Variants in TUSC3 observed in about 807,000 individuals in gnomAD.
The protein encoded by TUSC3 is tumor suppressor candidate 3.
Under a neutral mutation model 44.8 loss-of-function variants are expected in TUSC3, and 45 were observed. The ratio of observed to expected loss-of-function variants is 1.00; its 90% CI spans 0.79 to 1.29. TUSC3 has a LOEUF of 1.29. Among genes scored for constraint, TUSC3 ranks in the 50% most tolerant of loss-of-function variants. TUSC3 has a pLI of 0.00. For synonymous variants in TUSC3, 212 were observed against 152.9 expected (o/e 1.39, Z -2.85); for missense variants, 519 against 437.9 (o/e 1.19, Z -1.65).
intron 1 of TUSC3, among the ~76,000 whole-genome samples, chr8:15,451,345 G>C (rs922431014): frequency 2.0e-5 from 3 of 152,110 alleles, no homozygotes; most frequent in Non-Finnish European, 2.9e-5. Context: ...GGGTAGCTCA[G>C]ATCAACCAAG....
chr8:15,695,109 G>T (rs1809104153), intron 6 of TUSC3, among the ~76,000 whole-genome samples: 1 of 152,154 alleles, frequency 6.6e-6, no homozygotes, highest in Non-Finnish European at 1.5e-5. Context: ...TCAGTGCAGT[G>T]GTGGTGTCAG....
In TUSC3 at chr8:15,541,761, C is replaced by G. The variant is rs1490914795; in HGVS notation, c.138+1193C>G. ...TATAAATTAATGATTTTTTTTAGCA[C>G]TTGGTATTTGTATACCATATTCCAA... On this transcript the variant is annotated intron_variant, in intron 1 of 10. Coordinates refer to ENST00000503731, the MANE Select transcript of TUSC3 (RefSeq NM_006765.4). 2.6e-5 allele frequency among the ~76,000 whole-genome samples: 4 copies of G among 151,768 alleles called. No homozygotes were observed. The South Asian group carries it at 8.3e-4, about 31-fold the overall frequency.
At chr8:15,612,087 C>T (rs1311238535) in intron 1 of TUSC3, among the ~76,000 whole-genome samples, 3 of 152,144 alleles carry the variant, frequency 2.0e-5, no homozygotes, top group Non-Finnish European at 4.4e-5. Flanking sequence ...GCAGTTGATA[C>T]CTTCAACATG....
chr8:15,515,581 AT>A (rs1801205477), intron 2 of TUSC3, among the ~76,000 whole-genome samples: 1 of 152,118 alleles, frequency 6.6e-6, no homozygotes, highest in Non-Finnish European at 1.5e-5. Context: ...CTAGAGCAAA[AT>A]ATCATTGGAG....
At chr8:15,595,334 C>T (rs1804021737) in intron 1 of TUSC3, among the ~76,000 whole-genome samples, 1 of 152,068 alleles carries the variant, frequency 6.6e-6, no homozygotes, top group Admixed American at 6.6e-5. Flanking sequence ...CTCTTTAGTA[C>T]TCTGCCCTGT....
chr8:15,667,334 T>C (rs1033227125), intron 5 of TUSC3, among the ~76,000 whole-genome samples: 1 of 151,642 alleles, frequency 6.6e-6, no homozygotes, highest in African/African-American at 2.4e-5. Context: ...GAAATAATGA[T>C]AGTATTTCTG....
intron 1 of TUSC3, among the ~76,000 whole-genome samples, chr8:15,599,556 G>A (rs1389092025): frequency 6.6e-6 from 1 of 151,588 alleles, no homozygotes; most frequent in Non-Finnish European, 1.5e-5. Context: ...TAGTTTTATA[G>A]TTTTGCATTT....
At chr8:15,712,319 A>T (rs868007993) in intron 6 of TUSC3, among the ~76,000 whole-genome samples, 1 of 151,738 alleles carries the variant, frequency 6.6e-6, no homozygotes, top group Non-Finnish European at 1.5e-5. Context: ...TTGTATTATC[A>T]TTTTTCTGTT....
chr8:15,779,240 A>T, the TUSC3 span, among the ~76,000 whole-genome samples: 1 of 151,950 alleles, frequency 6.6e-6, no homozygotes, highest in Non-Finnish European at 1.5e-5. Flanking sequence ...AGGACCTTGG[A>T]TAGAAACTAT....
the TUSC3 span, among the ~76,000 whole-genome samples, chr8:15,807,765 G>C: frequency 2.6e-5 from 4 of 152,274 alleles, no homozygotes; most frequent in East Asian, 5.8e-4. Context: ...CACAGGAACA[G>C]AAAAACAAAT....
chr8:15,440,507 C>A (rs569317761), intron 1 of TUSC3, among the ~76,000 whole-genome samples: 2 of 152,170 alleles, frequency 1.3e-5, no homozygotes, highest in Non-Finnish European at 2.9e-5. Flanking sequence ...ACTGATGTTG[C>A]CGTGTGAAGG....
the TUSC3 span, among the ~76,000 whole-genome samples, chr8:15,844,304 G>A: frequency 6.6e-6 from 1 of 152,096 alleles, no homozygotes; most frequent in Non-Finnish European, 1.5e-5. Flanking sequence ...TATTTATCCA[G>A]CATTTAGTAT....
chr8:15,716,934 C>G (rs891500039), intron 6 of TUSC3, among the ~76,000 whole-genome samples: 4 of 151,884 alleles, frequency 2.6e-5, no homozygotes, highest in African/African-American at 7.3e-5. Context: ...ATTAGATGCT[C>G]TGAATTAAAA....
chr8:15,554,753 C>T (rs1482488911), intron 1 of TUSC3, among the ~76,000 whole-genome samples: 1 of 150,676 alleles, frequency 6.6e-6, no homozygotes, highest in Non-Finnish European at 1.5e-5. Flanking sequence ...CAGGCGCCCT[C>T]ACCACGCCCG....
chr8:15,764,323 T>C lies in TUSC3; in HGVS notation c.*167T>C, dbSNP rs976713253. 2 of 1,258,126 alleles carry C rather than the reference T, an allele frequency of 1.6e-6. No individual in the cohort carries two copies. Among genetic ancestry groups the C allele is most frequent in the Non-Finnish European group, 2.3e-6 (2 of 885,090 alleles). 77.9% of individuals were successfully genotyped at this position (1,258,126 alleles called of 1,614,324 possible). ...CATTTCATTGTGATCAGCTAGCTTATTCTTGTGTACTTTTTTTAAACTGTG... is the reference window on the plus strand; with the variant it reads ...CATTTCATTGTGATCAGCTAGCTTACTCTTGTGTACTTTTTTTAAACTGTG... On this transcript the variant is annotated 3_prime_UTR_variant, in exon 11 of 11. Coordinates refer to ENST00000503731, the MANE Select transcript of TUSC3 (RefSeq NM_006765.4).
At chr8:15,519,613 T>C (rs1166632809) in intron 2 of TUSC3, among the ~76,000 whole-genome samples, 1 of 152,102 alleles carries the variant, frequency 6.6e-6, no homozygotes, top group Non-Finnish European at 1.5e-5. Context: ...GTACTCCTTA[T>C]GAGAATCTAA....
intron 1 of TUSC3, among the ~76,000 whole-genome samples, chr8:15,571,586 A>G (rs544350405): frequency 3.9e-5 from 6 of 152,262 alleles, no homozygotes; most frequent in South Asian, 4.2e-4. Flanking sequence ...CTACTGACCA[A>G]TAAGGGTACT....
downstream of TUSC3, among the ~76,000 whole-genome samples, chr8:15,767,735 G>A (rs529848085): frequency 1.1e-4 from 16 of 152,180 alleles, no homozygotes; most frequent in East Asian, 1.9e-4. Flanking sequence ...TTCGGTTGAC[G>A]TAACTCAGAA....
At chr8:15,720,719 G>T (rs1810270781) in intron 6 of TUSC3, among the ~76,000 whole-genome samples, 1 of 152,076 alleles carries the variant, frequency 6.6e-6, no homozygotes. Context: ...GACCATATAA[G>T]AGAAGTTTCA....
Sources: allele counts gnomAD v4.1 joint callset (sites outside exome capture counted in the v4.1 genomes callset), GRCh38; gene constraint gnomAD v4.1.1; transcripts MANE v1.5; gene names NCBI Gene and HGNC (gene_info 2026-07-23, HGNC 2026-07-21).